The following VTI1A variants were observed in gnomAD, a reference collection of about 807,000 sequenced individuals.
VTI1A encodes the protein vesicle transport through interaction with t-SNAREs 1A, also known as vesicle transport through interaction with t-SNAREs homolog 1A.
A neutral mutation model predicts 34.9 loss-of-function variants in VTI1A; 22 were observed. The observed-to-expected ratio is 0.63, with a 90% CI of 0.45 to 0.90. VTI1A has a LOEUF of 0.90. Among genes scored for constraint, VTI1A ranks in the 40% least tolerant of loss-of-function variants. The pLI is 0.00. For missense variants in VTI1A, 268 were observed against 275.6 expected (o/e 0.97, Z 0.20); for synonymous variants, 87 against 97.3 (o/e 0.89, Z 0.62).
rs1241277499 is a variant in VTI1A, at chr10:112,669,010, G to A, written c.560+12G>A. ...GGGATGTTGCGAAGGTAAGAGCAAG[G>A]TAGGGACATATCTTTCTCTCTGTGT... On this transcript the variant is annotated intron_variant, in intron 7 of 7. Transcript: ENST00000393077. The A allele has an allele frequency of 6.2e-7, 1 of 1,611,626 alleles. No individual in the cohort carries two copies. The highest frequency in any genetic ancestry group is 1.1e-5 in the South Asian group (1 of 90,888).
At chr10:112,669,098 T>C in intron 7 of VTI1A, 100 bp downstream of exon 7, 1 of 1,392,188 alleles carries the variant, frequency 7.2e-7, no homozygotes, top group South Asian at 1.2e-5. Flanking sequence ...CTTTTGAGCT[T>C]CTGCTCTTAG....
chr10:112,668,329 TGAA>T (rs776184026), intron 6 of VTI1A, 41 bp downstream of exon 6: 2 of 1,594,250 alleles, frequency 1.3e-6, no homozygotes, highest in South Asian at 2.2e-5. Context: ...ATTCAGTAAA[TGAA>T]GACATAAATG....
the VTI1A span, chr10:112,824,879 G>A: frequency 3.9e-5 from 6 of 152,354 alleles, no homozygotes; most frequent in East Asian, 1.2e-3. Flanking sequence ...CAGTGCAAAG[G>A]GAACCTTCCC....
intron 7 of VTI1A, among the ~76,000 whole-genome samples, chr10:112,753,315 CAGAA>C (rs1287271438): frequency 6.6e-6 from 1 of 151,706 alleles, no homozygotes; most frequent in Non-Finnish European, 1.5e-5. Flanking sequence ...GTTTCATAAT[CAGAA>C]AGAACAGATG....
At chr10:112,503,678 G>A (rs1233335422) in intron 3 of VTI1A, among the ~76,000 whole-genome samples, 3 of 152,140 alleles carry the variant, frequency 2.0e-5, no homozygotes, top group Non-Finnish European at 4.4e-5. Context: ...TAATTCTTGT[G>A]GAGTATATGA....
At chr10:112,531,991 TAAAG>T (rs1219701257) in intron 4 of VTI1A, among the ~76,000 whole-genome samples, 5 of 152,202 alleles carry the variant, frequency 3.3e-5, no homozygotes, top group Admixed American at 6.5e-5. Context: ...TAATTAAAAA[TAAAG>T]AAAGCTTCTT....
At chr10:112,720,575 C>T (rs1849767252) in intron 7 of VTI1A, among the ~76,000 whole-genome samples, 1 of 152,154 alleles carries the variant, frequency 6.6e-6, no homozygotes, top group Non-Finnish European at 1.5e-5. Flanking sequence ...ATGTGGTTAG[C>T]AGAACCATTA....
chr10:112,738,202 C>T (rs1850566940), intron 7 of VTI1A, among the ~76,000 whole-genome samples: 1 of 152,160 alleles, frequency 6.6e-6, no homozygotes, highest in African/African-American at 2.4e-5. Flanking sequence ...TGGCACCATC[C>T]CTGGCGAGCA....
chr10:112,693,421 C>T (rs1025548089), intron 7 of VTI1A, among the ~76,000 whole-genome samples: 11 of 151,982 alleles, frequency 7.2e-5, no homozygotes, highest in African/African-American at 2.7e-4. Flanking sequence ...GTGGTGGGCA[C>T]CTGTAATCCC....
rs140256125 is a variant in VTI1A at position 112,566,698 on chromosome 10, A to G, written c.427+28368A>G. Among the ~76,000 whole-genome samples, 271 of 152,288 alleles carry G rather than the reference A, an allele frequency of 1.8e-3. 1 individual carries two copies. The highest frequency in any genetic ancestry group is 6.1e-3 in the African/African-American group (254 of 41,572). ...TATTTACCCCTTAGCAAACGTTATG[A>G]AAGTATTTTAGTATTGTTGGCGAAT... On this transcript the variant is annotated intron_variant, in intron 5 of 7. Transcript: ENST00000393077.
At chr10:112,842,051 C>CTTTT in the VTI1A span, among the ~76,000 whole-genome samples, 26 of 66,642 alleles carry the variant, frequency 3.9e-4, no homozygotes, top group Non-Finnish European at 4.8e-4. Context: ...TTTTTTTTTC[C>CTTTT]TTTTTTTTTT....
At chr10:112,569,836 G>A (rs1191251569) in intron 5 of VTI1A, among the ~76,000 whole-genome samples, 1 of 152,152 alleles carries the variant, frequency 6.6e-6, no homozygotes, top group Admixed American at 6.5e-5. Flanking sequence ...GTAACTTCAG[G>A]TACTTGAGAA....
chr10:112,537,764 G>T (rs1036196883), intron 4 of VTI1A, among the ~76,000 whole-genome samples: 2 of 152,118 alleles, frequency 1.3e-5, no homozygotes, highest in Non-Finnish European at 2.9e-5. Context: ...ATAGCATCTT[G>T]CTGCACATCC....
intron 5 of VTI1A, among the ~76,000 whole-genome samples, chr10:112,625,906 C>T (rs1425983621): frequency 1.3e-5 from 2 of 152,110 alleles, no homozygotes; most frequent in African/African-American, 4.8e-5. Context: ...AAAACAAAGA[C>T]AGTACTAAAA....
intron 7 of VTI1A, among the ~76,000 whole-genome samples, chr10:112,761,266 CTT>C (rs1470831532): frequency 6.6e-6 from 1 of 152,150 alleles, no homozygotes; most frequent in African/African-American, 2.4e-5. Context: ...GGGCTTATCT[CTT>C]GGTATAATCA....
rs77501636 is a variant in VTI1A at position 112,686,254 on chromosome 10, A to G, written c.560+17256A>G. On this transcript the variant is annotated intron_variant, in intron 7 of 7. Transcript: ENST00000393077. ...CTTCTTTCATTTTTCAGCACAGTTC[A>G]TTTTTTGTAGCAGTAGAAAATCCTA... 7.5e-3 allele frequency among the ~76,000 whole-genome samples: 1,134 copies of G among 152,214 alleles called. 14 individuals are homozygous for G. Among genetic ancestry groups the G allele is most frequent in the African/African-American group, 0.026 (1,095 of 41,534 alleles).
At chr10:112,460,924 C>T (rs1227745181) in intron 2 of VTI1A, among the ~76,000 whole-genome samples, 1 of 152,134 alleles carries the variant, frequency 6.6e-6, no homozygotes, top group Non-Finnish European at 1.5e-5. Flanking sequence ...TCTCAATAAC[C>T]ATGTGAGACA....
At chr10:112,630,065 G>A (rs879022385) in intron 5 of VTI1A, among the ~76,000 whole-genome samples, 3 of 152,088 alleles carry the variant, frequency 2.0e-5, no homozygotes, top group Non-Finnish European at 2.9e-5. Flanking sequence ...TTTTTTTCTC[G>A]AAATGCCCAC....
At chr10:112,532,496 A>C (rs901032616) in intron 4 of VTI1A, among the ~76,000 whole-genome samples, 5 of 152,172 alleles carry the variant, frequency 3.3e-5, no homozygotes, top group African/African-American at 1.2e-4. Context: ...TCACTTATAC[A>C]GTGATATTTG....
Sources: allele counts gnomAD v4.1 joint callset (sites outside exome capture counted in the v4.1 genomes callset), GRCh38; gene constraint gnomAD v4.1.1; transcripts MANE v1.5; gene names NCBI Gene and HGNC (gene_info 2026-07-23, HGNC 2026-07-21).